Variants in SRGAP2 observed in about 807,000 individuals in gnomAD.
SRGAP2 encodes SLIT-ROBO Rho GTPase activating protein 2.
SRGAP2 carries 15 observed loss-of-function variants against 57.2 expected under a neutral mutation model. The observed-to-expected ratio is 0.26, with a 90% CI of 0.18 to 0.40. The LOEUF is 0.40. SRGAP2 is among the 10% of genes least tolerant of loss of function. The pLI, the probability that SRGAP2 is intolerant of heterozygous loss-of-function variation, is 1.00. For missense variants in SRGAP2, 520 were observed against 669.6 expected, an observed-to-expected ratio of 0.78 and a Z score of 2.47; for synonymous variants, 249 against 248.0, an observed-to-expected ratio of 1.00 and a Z score of -0.04.
chr1:206,260,305 T>A (rs1669471271), intron 2 of SRGAP2, among the ~76,000 whole-genome samples: 1 of 143,666 alleles, frequency 7.0e-6, no homozygotes, highest in Non-Finnish European at 1.5e-5. Context: ...AAAGCCTGAT[T>A]ACCTAGTCCC....
intron 2 of SRGAP2, among the ~76,000 whole-genome samples, chr1:206,211,762 ATTG>A (rs1432143757): frequency 4.5e-5 from 5 of 111,690 alleles, no homozygotes; most frequent in African/African-American, 1.7e-4. Context: ...GTACATTCAC[ATTG>A]TTGTGCAGCC....
At chr1:206,286,001 C>T (rs1421146275) in intron 2 of SRGAP2, among the ~76,000 whole-genome samples, 14 of 152,070 alleles carry the variant, frequency 9.2e-5, no homozygotes, top group African/African-American at 3.4e-4. Context: ...GCCAACAGAT[C>T]CTGGATTCTG....
chr1:206,455,223 G>A (rs1663726428), intron 21 of SRGAP2, 199 bp downstream of exon 21: 1 of 617,806 alleles, frequency 1.6e-6, no homozygotes, highest in Non-Finnish European at 2.9e-6. Flanking sequence ...GCAGGTCCAG[G>A]TCTCCAGCTA....
At chr1:206,314,659 A>G (rs1209497789) in intron 3 of SRGAP2, among the ~76,000 whole-genome samples, 4 of 152,160 alleles carry the variant, frequency 2.6e-5, no homozygotes, top group African/African-American at 9.7e-5. Context: ...AAACTGTGGA[A>G]ATATTTGTGA....
chr1:206,361,521 T>C (rs1161438037), intron 4 of SRGAP2, among the ~76,000 whole-genome samples: 5 of 152,176 alleles, frequency 3.3e-5, no homozygotes, highest in African/African-American at 1.2e-4. Context: ...GGAAGAGAAA[T>C]GCTACATAAA....
At chr1:206,341,549 T>G (rs549542621) in intron 3 of SRGAP2, among the ~76,000 whole-genome samples, 2 of 151,990 alleles carry the variant, frequency 1.3e-5, no homozygotes, top group African/African-American at 4.8e-5. Flanking sequence ...CAGATATGTG[T>G]ACAGTATCCC....
intron 3 of SRGAP2, chr1:206,333,388 G>T: frequency 7.2e-7 from 1 of 1,394,000 alleles, no homozygotes; most frequent in East Asian, 2.3e-5. Context: ...CCTCAGTCTT[G>T]TCAACAGCTG....
At chr1:206,436,212 G>A (rs895376931) in intron 14 of SRGAP2, among the ~76,000 whole-genome samples, 1 of 152,122 alleles carries the variant, frequency 6.6e-6, no homozygotes, top group Non-Finnish European at 1.5e-5. Context: ...ATAGTTTCAT[G>A]TTCTCTCTTT....
intron 3 of SRGAP2, among the ~76,000 whole-genome samples, chr1:206,310,240 C>T (rs1672539586): frequency 6.6e-6 from 1 of 151,186 alleles, no homozygotes; most frequent in Admixed American, 6.6e-5. Flanking sequence ...AACATATGTA[C>T]AAATGCATTT....
chr1:206,307,800 G>A (rs1343477372), intron 3 of SRGAP2, among the ~76,000 whole-genome samples: 16 of 151,948 alleles, frequency 1.1e-4, no homozygotes, highest in African/African-American at 3.9e-4. Flanking sequence ...GCCCGCAAGC[G>A]CCGCACGCAG....
intron 18 of SRGAP2, among the ~76,000 whole-genome samples, chr1:206,449,312 G>A (rs7538261): frequency 0.056 from 5,029 of 90,306 alleles, 156 homozygotes; most frequent in Non-Finnish European, 0.072. Flanking sequence ...TTTTTTTTTA[G>A]ACAGGATCTT....
At chr1:206,296,667 A>G (rs1671615312) in intron 2 of SRGAP2, among the ~76,000 whole-genome samples, 1 of 152,208 alleles carries the variant, frequency 6.6e-6, no homozygotes, top group Admixed American at 6.5e-5. Flanking sequence ...CCTGAGCTCT[A>G]GTAATCGGCC....
At chr1:206,230,549 A>G (rs1310167258) in intron 2 of SRGAP2, among the ~76,000 whole-genome samples, 1 of 151,466 alleles carries the variant, frequency 6.6e-6, no homozygotes, top group Non-Finnish European at 1.5e-5. Context: ...ATGTATGCCT[A>G]CTATGTACCA....
At chr1:206,216,365 G>A (rs1394557182) in intron 2 of SRGAP2, among the ~76,000 whole-genome samples, 5 of 152,146 alleles carry the variant, frequency 3.3e-5, no homozygotes, top group African/African-American at 1.2e-4. Context: ...TTCTGTAATT[G>A]AAGCAAAAAC....
At chr1:206,279,901 C>G (rs1277994226) in intron 2 of SRGAP2, among the ~76,000 whole-genome samples, 1 of 151,760 alleles carries the variant, frequency 6.6e-6, no homozygotes, top group Non-Finnish European at 1.5e-5. Context: ...ATGTACATAG[C>G]CAGAGGATCA....
intron 19 of SRGAP2, among the ~76,000 whole-genome samples, chr1:206,450,882 C>T (rs578211914): frequency 4.0e-5 from 6 of 151,354 alleles, no homozygotes; most frequent in Admixed American, 2.0e-4. Flanking sequence ...GAGGCCCAGG[C>T]GGGAGGATCA....
At chr1:206,343,989 CA>C (rs1326625814) in intron 4 of SRGAP2, among the ~76,000 whole-genome samples, 1 of 150,414 alleles carries the variant, frequency 6.6e-6, no homozygotes, top group East Asian at 1.9e-4. Context: ...ATTTAGAATT[CA>C]TCAGTTTCCA....
chr1:206,333,281 G>T, intron 3 of SRGAP2: 6 of 1,167,820 alleles, frequency 5.1e-6, no homozygotes, highest in Non-Finnish European at 7.7e-6. Context: ...GACCGGAGCT[G>T]TTCCTATTCG....
chr1:206,304,349 A>G (rs1381715565), intron 3 of SRGAP2, among the ~76,000 whole-genome samples: 3 of 138,724 alleles, frequency 2.2e-5, no homozygotes, highest in Non-Finnish European at 4.6e-5. Context: ...GTGGTGTAAA[A>G]GCTTCCCAGG....
Sources: allele counts gnomAD v4.1 joint callset (sites outside exome capture counted in the v4.1 genomes callset), GRCh38; gene constraint gnomAD v4.1.1; transcripts MANE v1.5; gene names NCBI Gene and HGNC (gene_info 2026-07-23, HGNC 2026-07-21).